The following KIF3C variants were observed in gnomAD, a reference collection of about 807,000 sequenced individuals.
KIF3C encodes kinesin family member 3C.
KIF3C carries 12 observed loss-of-function variants against 67.7 expected under a neutral mutation model. The ratio of observed to expected loss-of-function variants is 0.18; its 90% CI spans 0.11 to 0.29. The LOEUF is 0.29. Among genes scored for constraint, KIF3C ranks in the 10% least tolerant of loss-of-function variants. KIF3C has a pLI of 1.00. For synonymous variants in KIF3C, 393 were observed against 426.2 expected (o/e 0.92, Z 0.96); for missense variants, 789 against 1,059.6 (o/e 0.74, Z 3.55).
rs111471723 is a variant in KIF3C, at chr2:25,953,877, A to G, written c.1889+390T>C. 9.9e-3 allele frequency among the ~76,000 whole-genome samples: 1,472 copies of G among 148,082 alleles called. 9 individuals carry two copies. The highest frequency in any genetic ancestry group is 0.033 in the South Asian group (157 of 4,692). ...GAGATGGGGTTTCACCATGTTGATC[A>G]GGCTGGTCTCAAACTCCTGACCTCA... On this transcript the variant is annotated intron_variant, in intron 4 of 7. Transcript: ENST00000264712.
intron 5 of KIF3C, chr2:25,938,150 G>A: frequency 2.8e-6 from 1 of 355,766 alleles, no homozygotes. Flanking sequence ...ATCACCTGAG[G>A]TCAGGAGTTC....
chr2:25,956,747 G>A (rs1663815486), intron 1 of KIF3C, among the ~76,000 whole-genome samples: 1 of 152,182 alleles, frequency 6.6e-6, no homozygotes, highest in Admixed American at 6.5e-5. Context: ...AGGGCTAGGA[G>A]GAGGATGGGG....
At chr2:25,960,893 G>A (rs188141352) in intron 1 of KIF3C, among the ~76,000 whole-genome samples, 76 of 152,296 alleles carry the variant, frequency 5.0e-4, no homozygotes, top group African/African-American at 1.7e-3. Flanking sequence ...CTGAGATTGC[G>A]CCAATGCACT....
At chr2:25,944,538 A>G (rs190307108) in intron 5 of KIF3C, among the ~76,000 whole-genome samples, 3 of 151,856 alleles carry the variant, frequency 2.0e-5, no homozygotes, top group Admixed American at 1.3e-4. Context: ...TTTTGTAGAG[A>G]TGGGGCCTCG....
At position 25,955,756 on chromosome 2, in the gene KIF3C, G is replaced by C. The variant is rs577485763; in HGVS notation, c.1648-93C>G. The C allele has an allele frequency of 6.8e-7, 1 of 1,474,206 alleles. No individual in the cohort carries two copies. The highest frequency in any genetic ancestry group is 9.3e-7 in the Non-Finnish European group (1 of 1,076,472). The allele number at this position is 1,474,206 out of a possible 1,614,324, so 91.3% of individuals were successfully genotyped here. ...GGGACTGGCTCACTCTGCCTGTCTCGGGACCTGGCTTCACCATGGCCCATG... is the reference window on the plus strand; with the variant it reads ...GGGACTGGCTCACTCTGCCTGTCTCCGGACCTGGCTTCACCATGGCCCATG... On this transcript the variant is annotated intron_variant, in intron 2 of 7. Transcript: ENST00000264712. The surrounding 1 kb of genome is among the most constrained non-coding windows in gnomAD (Gnocchi z 5.0).
At chr2:25,950,542 T>A in intron 5 of KIF3C, among the ~76,000 whole-genome samples, 1 of 152,104 alleles carries the variant, frequency 6.6e-6, no homozygotes, top group East Asian at 1.9e-4. Context: ...TTTCTAAGCA[T>A]AAGATAACCC....
At chr2:25,945,307 T>C (rs113572728) in intron 5 of KIF3C, among the ~76,000 whole-genome samples, 201 of 152,200 alleles carry the variant, frequency 1.3e-3, no homozygotes, top group African/African-American at 4.5e-3. Flanking sequence ...GAAAACACTA[T>C]AAAAGCTGCT....
chr2:25,941,226 C>A (rs894202820), intron 5 of KIF3C, among the ~76,000 whole-genome samples: 15 of 152,056 alleles, frequency 9.9e-5, no homozygotes, highest in African/African-American at 3.6e-4. Context: ...ATCACTTGAG[C>A]CCAGAAGGTC....
chr2:25,973,998 A>G (rs1424286618), intron 1 of KIF3C, among the ~76,000 whole-genome samples: 2 of 152,362 alleles, frequency 1.3e-5, no homozygotes, highest in East Asian at 1.9e-4. Flanking sequence ...TGACATAGCA[A>G]TAATAATTAT....
chr2:25,959,861 G>T (rs531975086), intron 1 of KIF3C, among the ~76,000 whole-genome samples: 70 of 152,254 alleles, frequency 4.6e-4, no homozygotes, highest in African/African-American at 1.6e-3. Flanking sequence ...GAAAAGAGAA[G>T]AACCACATGG....
chr2:25,932,912 C>G (rs1337334059), intron 5 of KIF3C, among the ~76,000 whole-genome samples: 1 of 151,704 alleles, frequency 6.6e-6, no homozygotes, highest in Non-Finnish European at 1.5e-5. Context: ...AACCAAGATA[C>G]TATAGAACTT....
At position 25,963,019 on chromosome 2, in the gene KIF3C, TAA is replaced by T. The variant is rs1664032896; in HGVS notation, c.1546-6577_1546-6576del. 6.5e-5 allele frequency among the ~76,000 whole-genome samples: 2 copies of T among 30,926 alleles called. 1 individual carries two copies. The highest frequency in any genetic ancestry group is 5.0e-4 in the African/African-American group (2 of 3,988). 20.3% of individuals were successfully genotyped at this position (30,926 alleles called of 152,430 possible). A position where few individuals can be genotyped will look rare whatever the true frequency, so the allele number is the denominator to read the frequency against. ...TATAATATATAATATATAATATATA[TAA>T]TATATAATATATAATATATAATATA... On this transcript the variant is annotated intron_variant, in intron 1 of 7. Coordinates refer to ENST00000264712, the MANE Select transcript of KIF3C (RefSeq NM_002254.8).
intron 5 of KIF3C, among the ~76,000 whole-genome samples, chr2:25,946,284 G>A (rs1449545020): frequency 6.6e-6 from 1 of 152,104 alleles, no homozygotes; most frequent in Non-Finnish European, 1.5e-5. Context: ...GCCAGGTGAG[G>A]TGGCTTGTGC....
intron 5 of KIF3C, among the ~76,000 whole-genome samples, chr2:25,932,149 A>G (rs961892209): frequency 6.6e-6 from 1 of 151,420 alleles, no homozygotes; most frequent in Non-Finnish European, 1.5e-5. Context: ...TTACAGGCGC[A>G]TGCCACCACA....
intron 5 of KIF3C, among the ~76,000 whole-genome samples, chr2:25,947,170 A>G (rs1663466967): frequency 6.6e-6 from 1 of 152,114 alleles, no homozygotes; most frequent in Non-Finnish European, 1.5e-5. Context: ...TTTAATAAAG[A>G]GCACAAACTT....
intron 5 of KIF3C, among the ~76,000 whole-genome samples, chr2:25,939,718 C>T (rs912172528): frequency 2.0e-5 from 3 of 151,834 alleles, no homozygotes; most frequent in African/African-American, 7.3e-5. Context: ...TTTGGGAGGC[C>T]GAGGCAGATG....
intron 1 of KIF3C, among the ~76,000 whole-genome samples, chr2:25,979,523 G>A (rs1664508935): frequency 6.6e-6 from 1 of 152,198 alleles, no homozygotes; most frequent in South Asian, 2.1e-4. Context: ...TGAGAAAAGA[G>A]AGAAGCAACT....
Position 25,954,322 on chromosome 2 carries a change from C to T in KIF3C, c.1834G>A (p.Val612Met). ...TGCGCCTCCTCCAGGTCCTGCCGCA[C>T]GCGGATATACTCATCATGCTGGTCC... Reference protein sequence around the residue: ...IQDQHDEYIRVRQDLEEAQNE... With the variant: ...IQDQHDEYIRMRQDLEEAQNE... The change falls in exon 4 of 8, where the codon GTG becomes ATG. Residue 612 changes from valine to methionine, a missense_variant. Coordinates refer to ENST00000264712, the MANE Select transcript of KIF3C (RefSeq NM_002254.8). The T allele has an allele frequency of 6.2e-7, 1 of 1,614,118 alleles. No individual in the cohort carries two copies. The highest frequency in any genetic ancestry group is 8.5e-7 in the Non-Finnish European group (1 of 1,180,024).
intron 1 of KIF3C, among the ~76,000 whole-genome samples, chr2:25,972,526 G>A (rs528075563): frequency 6.6e-6 from 1 of 152,268 alleles, no homozygotes; most frequent in South Asian, 2.1e-4. Context: ...CCAGCCTGGA[G>A]TATGGGTCAC....
Sources: allele counts gnomAD v4.1 joint callset (sites outside exome capture counted in the v4.1 genomes callset), GRCh38; gene constraint gnomAD v4.1.1; non-coding constraint Gnocchi (gnomAD v3.1); transcripts MANE v1.5; gene names NCBI Gene and HGNC (gene_info 2026-07-23, HGNC 2026-07-21).